The following ZC3H12B variants were observed in gnomAD, a reference collection of about 807,000 sequenced individuals.
The protein encoded by ZC3H12B is probable ribonuclease ZC3H12B.
ZC3H12B carries 7 observed loss-of-function variants against 43.9 expected under a neutral mutation model. That is an observed-to-expected ratio of 0.16 (90% CI 0.09 to 0.30). ZC3H12B has a LOEUF of 0.30. Ranked by LOEUF, ZC3H12B falls within the 10% of genes least tolerant of loss-of-function variation. The probability of loss-of-function intolerance (pLI) is 1.00; values close to 1 mark genes in which losing one functional copy is unlikely to be tolerated. For missense variants in ZC3H12B, 475 were observed against 670.2 expected (o/e 0.71, Z 3.22); for synonymous variants, 222 against 241.7 (o/e 0.92, Z 0.76).
At chrX:65,082,010 G>T in the ZC3H12B span, among the ~76,000 whole-genome samples, 3 of 111,907 alleles carry the variant, frequency 2.7e-5, no homozygotes, top group Non-Finnish European at 5.7e-5. Flanking sequence ...TAAACAGTGT[G>T]CTCCTGAATG....
the ZC3H12B span, among the ~76,000 whole-genome samples, chrX:65,327,360 C>T: frequency 3.6e-5 from 4 of 110,686 alleles, no homozygotes; most frequent in Admixed American, 9.7e-5. Flanking sequence ...AAAATTTTAT[C>T]GAAGATTTTT....
chrX:65,329,975 G>A, the ZC3H12B span, among the ~76,000 whole-genome samples: 1 of 112,147 alleles, frequency 8.9e-6, no homozygotes, highest in African/African-American at 3.2e-5. Context: ...TTTGAAGTCA[G>A]GTAACATGAT....
chrX:65,383,044 A>T (rs1463144176), intron 2 of ZC3H12B, among the ~76,000 whole-genome samples: 1 of 111,417 alleles, frequency 9.0e-6, no homozygotes, highest in Non-Finnish European at 1.9e-5. Flanking sequence ...TAATTTACAG[A>T]TTCAATGCCA....
At chrX:65,482,712 G>A (rs2068078589) in intron 3 of ZC3H12B, among the ~76,000 whole-genome samples, 2 of 111,975 alleles carry the variant, frequency 1.8e-5, no homozygotes, top group East Asian at 5.6e-4. Context: ...AATTAGTTTG[G>A]ACAACAGAGT....
At chrX:65,103,497 A>G in the ZC3H12B span, among the ~76,000 whole-genome samples, 2 of 111,812 alleles carry the variant, frequency 1.8e-5, no homozygotes, top group Non-Finnish European at 3.8e-5. Context: ...GGCGACATAC[A>G]TTCTCAGCTT....
At chrX:65,154,485 G>C in the ZC3H12B span, among the ~76,000 whole-genome samples, 29 of 111,852 alleles carry the variant, frequency 2.6e-4, no homozygotes, top group Admixed American at 1.9e-4. Flanking sequence ...TAATTTGGGG[G>C]ATTTTCTACA....
the ZC3H12B span, among the ~76,000 whole-genome samples, chrX:65,254,330 A>C: frequency 2.7e-5 from 3 of 112,435 alleles, no homozygotes; most frequent in Non-Finnish European, 5.6e-5. Context: ...AGTGGTCTGG[A>C]AACATGTCAA....
intron 3 of ZC3H12B, among the ~76,000 whole-genome samples, chrX:65,461,528 A>T (rs2067746846): frequency 1.8e-5 from 2 of 112,250 alleles, no homozygotes; most frequent in African/African-American, 6.5e-5. Flanking sequence ...ACCCATAAAA[A>T]AGGATGAGTT....
At chrX:65,040,944 C>T in the ZC3H12B span, among the ~76,000 whole-genome samples, 1 of 110,940 alleles carries the variant, frequency 9.0e-6, no homozygotes, top group Non-Finnish European at 1.9e-5. Context: ...GCCACCACGC[C>T]CAGCTCTATT....
rs930648918 is a variant in ZC3H12B at position 65,384,320 on chromosome X, A to G, written n.296-14273A>G. On this transcript the variant is annotated intron_variant and non_coding_transcript_variant, in intron 2 of 5. Coordinates refer to the ZC3H12B transcript ENST00000617377. ...CACTCATAGGTGGGAATTGAACAAT[A>G]AGAACACATGGACACAGGAAGGAGA... is the stretch of plus-strand genomic sequence containing the variant. Among the ~76,000 whole-genome samples, 49 of 109,658 alleles carry G rather than the reference A, an allele frequency of 4.5e-4. 1 individual carries two copies. The highest frequency in any genetic ancestry group is 1.4e-3 in the African/African-American group (43 of 30,154).
chrX:65,114,617 T>G, the ZC3H12B span, among the ~76,000 whole-genome samples: 1 of 110,915 alleles, frequency 9.0e-6, no homozygotes, highest in South Asian at 3.7e-4. Flanking sequence ...ATAAATTGTG[T>G]TTTTTACCTT....
chrX:65,124,665 T>G, the ZC3H12B span, among the ~76,000 whole-genome samples: 15 of 111,300 alleles, frequency 1.3e-4, no homozygotes, highest in Admixed American at 3.8e-4. Context: ...ATCTTGCTGC[T>G]TGTTATTGGC....
At chrX:65,371,584 T>C (rs1052506192) in intron 2 of ZC3H12B, among the ~76,000 whole-genome samples, 1 of 112,035 alleles carries the variant, frequency 8.9e-6, no homozygotes, top group Non-Finnish European at 1.9e-5. Context: ...ATAAGGACAA[T>C]GTTTTATATT....
At chrX:65,490,104 G>A (rs2068183430) in intron 1 of ZC3H12B, among the ~76,000 whole-genome samples, 1 of 111,602 alleles carries the variant, frequency 9.0e-6, no homozygotes, top group African/African-American at 3.3e-5. Flanking sequence ...CCCTAGAGAT[G>A]TCCACATTTT....
At chrX:65,345,093 T>C in the ZC3H12B span, among the ~76,000 whole-genome samples, 2 of 112,335 alleles carry the variant, frequency 1.8e-5, no homozygotes, top group Non-Finnish European at 1.9e-5. Context: ...AGTGTACTGT[T>C]AGTGATAGAG....
the ZC3H12B span, among the ~76,000 whole-genome samples, chrX:65,074,231 A>G: frequency 1.8e-5 from 2 of 110,417 alleles, no homozygotes; most frequent in Admixed American, 1.9e-4. Flanking sequence ...TTCTATTTAG[A>G]AAGACAGTTT....
intron 2 of ZC3H12B, among the ~76,000 whole-genome samples, chrX:65,374,496 C>T (rs1195938295): frequency 1.9e-5 from 2 of 106,033 alleles, no homozygotes; most frequent in Non-Finnish European, 3.9e-5. Flanking sequence ...GTAAGATGGC[C>T]AAATAGAAGG....
the ZC3H12B span, among the ~76,000 whole-genome samples, chrX:65,137,427 T>C: frequency 3.6e-5 from 4 of 112,149 alleles, no homozygotes; most frequent in Admixed American, 2.8e-4. Context: ...TTGATACTGT[T>C]TTGAATAGTT....
At chrX:65,043,263 G>A in the ZC3H12B span, among the ~76,000 whole-genome samples, 1 of 110,355 alleles carries the variant, frequency 9.1e-6, no homozygotes, top group Non-Finnish European at 1.9e-5. Flanking sequence ...TGTGGTGCAT[G>A]GAATAAACTA....
Sources: allele counts gnomAD v4.1 joint callset (sites outside exome capture counted in the v4.1 genomes callset), GRCh38; gene constraint gnomAD v4.1.1; transcripts MANE v1.5; gene names NCBI Gene and HGNC (gene_info 2026-07-23, HGNC 2026-07-21).